VGLL2: variants seen among roughly 807,000 people sequenced by gnomAD.
The protein encoded by VGLL2 is vestigial like family member 2.
VGLL2 carries 18 observed loss-of-function variants against 27.0 expected under a neutral mutation model. The ratio of observed to expected loss-of-function variants is 0.67; its 90% CI spans 0.46 to 0.99. The LOEUF (loss-of-function observed/expected upper bound fraction) is 0.99. Among genes scored for constraint, VGLL2 ranks in the 50% least tolerant of loss-of-function variants. The probability of loss-of-function intolerance (pLI) is 0.00; values close to 1 mark genes in which losing one functional copy is unlikely to be tolerated. For synonymous variants in VGLL2, 220 were observed against 201.1 expected (o/e 1.09, Z -0.80); for missense variants, 491 against 452.3 (o/e 1.09, Z -0.78).
rs1562230908 is a variant in VGLL2, at chr6:117,268,433, C to A, written c.333C>A (p.Ser111Arg). The change falls in exon 2 of 4, where the codon AGC becomes AGA. Residue 111 changes from serine to arginine, a missense_variant. Coordinates refer to ENST00000326274, the MANE Select transcript of VGLL2 (RefSeq NM_182645.3). ...TCAGCAGGGCCCTGAGCCAACCCAG[C>A]AGCTACTCTCCTAGCTGTACCAGCA... ...EHFSRALSQP[S>R]SYSPSCTSSK... is the part of the protein sequence containing the mutation. 6 of 1,614,134 alleles carry A rather than the reference C, an allele frequency of 3.7e-6. No homozygotes were observed. Among genetic ancestry groups the A allele is most frequent in the Non-Finnish European group, 5.1e-6 (6 of 1,180,002 alleles).
chr6:117,269,127 C>A (rs1339848147), intron 2 of VGLL2, among the ~76,000 whole-genome samples: 1 of 152,182 alleles, frequency 6.6e-6, no homozygotes, highest in Non-Finnish European at 1.5e-5. Flanking sequence ...AATTTAGATA[C>A]AGCCAGAACA....
Position 117,268,153 on chromosome 6 carries a change from A to C in VGLL2, c.82-29A>C, listed in dbSNP as rs536487489. 4 of 1,602,506 alleles carry C rather than the reference A, an allele frequency of 2.5e-6. No homozygotes were observed. The South Asian group carries it at 4.4e-5, about 18-fold the overall frequency. On this transcript the variant is annotated intron_variant, in intron 1 of 3. Coordinates refer to ENST00000326274, the MANE Select transcript of VGLL2 (RefSeq NM_182645.3). ...GAATTTGCCATCGCTTTTGAAATTGATATCTCTGTTCTTTCTCTCTCTGAA... is the reference window on the plus strand; with the variant it reads ...GAATTTGCCATCGCTTTTGAAATTGCTATCTCTGTTCTTTCTCTCTCTGAA...
At chr6:117,271,210 A>G in intron 3 of VGLL2, 146 bp downstream of exon 3, 3 of 721,480 alleles carry the variant, frequency 4.2e-6, no homozygotes, top group African/African-American at 1.9e-5. Context: ...TTCCACTGAT[A>G]CATGGCCCTG....
chr6:117,268,530 TC>T (rs1773119320), intron 2 of VGLL2, 39 bp downstream of exon 2: 1 of 1,519,408 alleles, frequency 6.6e-7, no homozygotes. Context: ...CCATAGGGGG[TC>T]CTCTCAGCCT....
rs1773225840 is a variant in VGLL2, at chr6:117,272,657, A to G, written c.*163A>G. 1 of 978,970 alleles carries G rather than the reference A, an allele frequency of 1.0e-6. No homozygotes were observed. Among genetic ancestry groups the G allele is most frequent in the Non-Finnish European group, 1.5e-6 (1 of 664,548 alleles). The allele number at this position is 978,970 out of a possible 1,614,324, so 60.6% of individuals were successfully genotyped here. ...AAACCACAACTACAGAAATTCATCT[A>G]AAAATAAGTCCTGCTGCTGAAAGAG... On this transcript the variant is annotated 3_prime_UTR_variant, in exon 4 of 4. Transcript: ENST00000326274.
At position 117,270,541 on chromosome 6, in the gene VGLL2, A is replaced by G. The variant is rs1390267458; in HGVS notation, c.392-2A>G. On this transcript the variant is annotated splice_acceptor_variant, in intron 2 of 3. Coordinates refer to ENST00000326274, the MANE Select transcript of VGLL2 (RefSeq NM_182645.3). LOFTEE classifies it high-confidence loss of function. ...CACTCCGCCTCCCCGGCCGGCCTAC[A>G]GACTGCTCCTTCCCGATGAGCCAGC... 4 of 1,593,620 alleles carry G rather than the reference A, an allele frequency of 2.5e-6. No individual in the cohort carries two copies. The African/African-American group carries it at 5.5e-5, about 22-fold the overall frequency.
At position 117,270,835 on chromosome 6, in the gene VGLL2, C is replaced by T. The variant is rs1391350239; in HGVS notation, c.684C>T (p.His228=). 2 of 1,428,526 alleles carry T rather than the reference C, an allele frequency of 1.4e-6. No individual in the cohort carries two copies. Among genetic ancestry groups the T allele is most frequent in the Non-Finnish European group, 1.8e-6 (2 of 1,092,942 alleles). The allele number at this position is 1,428,526 out of a possible 1,614,324, so 88.5% of individuals were successfully genotyped here. ...CCTACCCGCGCCCCGCCGCCGTGCACGAAGTCTACGCGCCGCACTTCGACC... is the reference window on the plus strand; with the variant it reads ...CCTACCCGCGCCCCGCCGCCGTGCATGAAGTCTACGCGCCGCACTTCGACC... ...AAPYPRPAAV[H]EVYAPHFDPR... is the part of the protein sequence containing the mutation. Residue 228 remains histidine, a synonymous_variant, in exon 3 of 4, where the codon CAC becomes CAT. Coordinates refer to ENST00000326274, the MANE Select transcript of VGLL2 (RefSeq NM_182645.3).
Position 117,268,353 on chromosome 6 carries a change from T to C in VGLL2, c.253T>C (p.Cys85Arg). The C allele has an allele frequency of 6.2e-7, 1 of 1,614,058 alleles. No individual in the cohort carries two copies. The highest frequency in any genetic ancestry group is 8.5e-7 in the Non-Finnish European group (1 of 1,180,004). Residue 85 changes from cysteine (C) to arginine (R), a missense_variant, in exon 2 of 4, where the codon TGC becomes CGC. Cys to Arg is a radical substitution (Grantham distance 180). Transcript: ENST00000326274. ...PPEAEYINSR[C>R]VLFTYFQGDI... The stretch of plus-strand genomic sequence containing the variant: ...AGAGGCAGAGTACATCAACTCCCGC[T>C]GCGTCCTCTTCACTTATTTCCAGGG...
At chr6:117,270,462 T>A (rs1257139159) in intron 2 of VGLL2, 81 bp from the exon 3 acceptor site, 1 of 1,450,810 alleles carries the variant, frequency 6.9e-7, no homozygotes, top group East Asian at 2.9e-5. Context: ...GGGCGGGACG[T>A]GCAGGTCGGC....
chr6:117,265,584 GTAAAATCGCAGGA>G lies in VGLL2; in HGVS notation c.-179_-167del, dbSNP rs1304502510. On this transcript the variant is annotated 5_prime_UTR_variant, in exon 1 of 4. Transcript: ENST00000326274. The stretch of plus-strand genomic sequence containing the variant: ...CTTCTGCCCTGGAGCGCGGTCGGGA[GTAAAATCGCAGGA>G]GTGGGAGGGTAGCGAGCCAGCTGGA... 1 of 614,860 alleles carries G rather than the reference GTAAAATCGCAGGA, an allele frequency of 1.6e-6. No individual in the cohort carries two copies. The highest frequency in any genetic ancestry group is 1.8e-5 in the African/African-American group (1 of 54,504). 38.1% of individuals were successfully genotyped at this position (614,860 alleles called of 1,614,324 possible).
chr6:117,272,382 G>C, intron 3 of VGLL2, 72 bp from the exon 4 acceptor site: 1 of 1,613,692 alleles, frequency 6.2e-7, no homozygotes, highest in Non-Finnish European at 8.5e-7. Flanking sequence ...GTAGGTCTCT[G>C]CATAGTGCAA....
chr6:117,265,957 G>C (rs565464955), intron 1 of VGLL2, 113 bp downstream of exon 1: 6 of 979,664 alleles, frequency 6.1e-6, no homozygotes, highest in Non-Finnish European at 9.5e-6. Context: ...GTCCGACCAC[G>C]ACCGGCGCAG....
chr6:117,270,734 C>A lies in VGLL2; in HGVS notation c.583C>A (p.His195Asn). 31 of 1,519,118 alleles carry A rather than the reference C, an allele frequency of 2.0e-5. No individual in the cohort carries two copies. The highest frequency in any genetic ancestry group is 2.7e-5 in the Non-Finnish European group (31 of 1,143,374). The allele number at this position is 1,519,118 out of a possible 1,614,324, so 94.1% of individuals were successfully genotyped here. The part of the protein sequence containing the change: ...HLHQGATEPW[H>N]HAHPHHAHPH... ...GCACCAGGGCGCCACGGAGCCCTGG[C>A]ACCACGCGCACCCGCACCACGCGCA... The change falls in exon 3 of 4, where the codon CAC (histidine) becomes AAC (asparagine). Residue 195 changes from histidine to asparagine, a missense_variant. By Grantham distance (68) the His-to-Asn change is moderately conservative. Transcript: ENST00000326274.
rs1394531755 is a variant in VGLL2, at chr6:117,265,828, A to T, written c.65A>T (p.Tyr22Phe). 6.2e-7 allele frequency: 1 copy of T among 1,614,120 alleles called. No homozygotes were observed. Among genetic ancestry groups the T allele is most frequent in the Non-Finnish European group, 8.5e-7 (1 of 1,179,972 alleles). Residue 22 changes from tyrosine to phenylalanine, a missense_variant, in exon 1 of 4, where the codon TAC becomes TTC. Transcript: ENST00000326274. ...GPPQPYFAAA[Y>F]TPYHQKLAYY... The stretch of plus-strand genomic sequence containing the variant: ...CCGCAGCCCTACTTCGCAGCCGCCT[A>T]CACCCCCTACCACCAGGTACGTGTC...
chr6:117,268,686 A>C (rs530157353), intron 2 of VGLL2, among the ~76,000 whole-genome samples, 195 bp downstream of exon 2: 1 of 152,174 alleles, frequency 6.6e-6, no homozygotes, highest in Non-Finnish European at 1.5e-5. Context: ...TGGAAAAAAC[A>C]CTATCCTTGG....
Position 117,270,742 on chromosome 6 carries a change from G to A in VGLL2, c.591G>A (p.Ala197=). The A allele has an allele frequency of 6.6e-7, 1 of 1,512,850 alleles. No homozygotes were observed. 93.7% of individuals were successfully genotyped at this position (1,512,850 alleles called of 1,614,324 possible). The stretch of plus-strand genomic sequence containing the variant: ...GCGCCACGGAGCCCTGGCACCACGC[G>A]CACCCGCACCACGCGCACCCGCATC... The part of the protein sequence containing the change: ...HQGATEPWHH[A]HPHHAHPHHP... Residue 197 remains alanine, a synonymous_variant, in exon 3 of 4, where the codon GCG becomes GCA. Transcript: ENST00000326274.
At position 117,270,901 on chromosome 6, in the gene VGLL2, C is replaced by A; in HGVS notation, c.750C>A (p.Arg250=). ...GPLLMPAASG[R]PARLATAPAP... ...TGCTGATGCCAGCCGCCTCGGGGCG[C>A]CCGGCCCGCCTCGCAACCGCCCCGG... Residue 250 remains arginine, a synonymous_variant, in exon 3 of 4, where the codon CGC becomes CGA. Coordinates refer to ENST00000326274, the MANE Select transcript of VGLL2 (RefSeq NM_182645.3). 7.9e-7 allele frequency: 1 copy of A among 1,267,006 alleles called. No homozygotes were observed. Among genetic ancestry groups the A allele is most frequent in the Non-Finnish European group, 9.9e-7 (1 of 1,010,818 alleles). 78.5% of individuals were successfully genotyped at this position (1,267,006 alleles called of 1,614,324 possible).
rs1425831943 is a variant in VGLL2, at chr6:117,265,800, C to T, written c.37C>T (p.Pro13Ser). 6.2e-7 allele frequency: 1 copy of T among 1,614,164 alleles called. No homozygotes were observed. Among genetic ancestry groups the T allele is most frequent in the Non-Finnish European group, 8.5e-7 (1 of 1,180,000 alleles). The change falls in exon 1 of 4, where the codon CCT becomes TCT. Residue 13 changes from proline to serine, a missense_variant. Coordinates refer to ENST00000326274, the MANE Select transcript of VGLL2 (RefSeq NM_182645.3). ...GGATGTTATGTACCAAGTCTATGGT[C>T]CTCCGCAGCCCTACTTCGCAGCCGC... Reference protein sequence around the residue: ...CLDVMYQVYGPPQPYFAAAYT... With the variant: ...CLDVMYQVYGSPQPYFAAAYT...
chr6:117,268,217 G>C lies in VGLL2; in HGVS notation c.117G>C (p.Gln39His). 6.2e-7 allele frequency: 1 copy of C among 1,614,206 alleles called. No individual in the cohort carries two copies. Among genetic ancestry groups the C allele is most frequent in the Non-Finnish European group, 8.5e-7 (1 of 1,180,042 alleles). Reference protein sequence around the residue: ...LAYYSKMQEAQECNASPSSSG... With the variant: ...LAYYSKMQEAHECNASPSSSG... ...ATTATTCCAAAATGCAGGAAGCGCAGGAGTGCAATGCCAGCCCCAGCAGCA... is the reference window on the plus strand; with the variant it reads ...ATTATTCCAAAATGCAGGAAGCGCACGAGTGCAATGCCAGCCCCAGCAGCA... The change falls in exon 2 of 4, where the codon CAG (glutamine) becomes CAC (histidine). Residue 39 changes from glutamine to histidine, a missense_variant. Transcript: ENST00000326274.
Sources: allele counts gnomAD v4.1 joint callset (sites outside exome capture counted in the v4.1 genomes callset), GRCh38; gene constraint gnomAD v4.1.1; transcripts MANE v1.5; gene names NCBI Gene and HGNC (gene_info 2026-07-23, HGNC 2026-07-21).